The following DNAH9 variants were observed in gnomAD, a reference collection of about 807,000 sequenced individuals.
DNAH9 encodes dynein axonemal heavy chain 9.
DNAH9 carries 345 observed loss-of-function variants against 471.6 expected under a neutral mutation model. The ratio of observed to expected loss-of-function variants is 0.73; its 90% CI spans 0.67 to 0.80. DNAH9 has a LOEUF of 0.80. DNAH9 is among the 30% of genes least tolerant of loss of function. DNAH9 has a pLI of 0.00. For missense variants in DNAH9, 5,407 were observed against 5,609.2 expected (o/e 0.96, Z 1.15); for synonymous variants, 2,093 against 2,123.6 (o/e 0.99, Z 0.40).
chr17:11,619,918 G>A (rs1424813025), intron 6 of DNAH9, 137 bp downstream of exon 6: 2 of 621,400 alleles, frequency 3.2e-6, no homozygotes, highest in East Asian at 5.5e-5. Context: ...CATAATAAAG[G>A]TTCAATTGGC....
chr17:11,826,414 A>C (rs1970493463), intron 48 of DNAH9, among the ~76,000 whole-genome samples: 2 of 23,720 alleles, frequency 8.4e-5, no homozygotes, highest in African/African-American at 3.4e-4. Context: ...AAAAATTACT[A>C]AGATTACTAA....
intron 68 of DNAH9, among the ~76,000 whole-genome samples, chr17:11,968,574 T>G (rs1226794477): frequency 3.9e-5 from 6 of 152,248 alleles, no homozygotes; most frequent in Non-Finnish European, 7.3e-5. Context: ...TTTTCTTTAT[T>G]GCTAGGACTT....
chr17:11,956,252 GA>G (rs1166999733), intron 67 of DNAH9, among the ~76,000 whole-genome samples: 1 of 152,142 alleles, frequency 6.6e-6, no homozygotes, highest in East Asian at 1.9e-4. Flanking sequence ...CATGGATGAA[GA>G]GGAGTATTAT....
chr17:11,855,304 A>G (rs954794769), intron 50 of DNAH9, among the ~76,000 whole-genome samples: 4 of 152,212 alleles, frequency 2.6e-5, no homozygotes, highest in Admixed American at 1.3e-4. Context: ...TTACTTATAT[A>G]GGCAGAAAAC....
intron 41 of DNAH9, among the ~76,000 whole-genome samples, chr17:11,787,149 G>T (rs1968903014): frequency 6.6e-6 from 1 of 152,226 alleles, no homozygotes; most frequent in African/African-American, 2.4e-5. Context: ...AGTAGGCTCA[G>T]ACAGACTCCA....
intron 14 of DNAH9, among the ~76,000 whole-genome samples, chr17:11,661,520 C>T (rs1319105510): frequency 2.6e-5 from 4 of 151,964 alleles, no homozygotes; most frequent in African/African-American, 9.7e-5. Flanking sequence ...CCATTGTCAC[C>T]TGCTTTTTGG....
At chr17:11,713,151 G>A (rs1317873429) in intron 26 of DNAH9, among the ~76,000 whole-genome samples, 1 of 152,058 alleles carries the variant, frequency 6.6e-6, no homozygotes, top group African/African-American at 2.4e-5. Context: ...TGAACATGCG[G>A]TATTTGGTTT....
rs1463094175 is a variant in DNAH9, at chr17:11,742,321, C to A, written c.6111+8C>A. 6.2e-7 allele frequency: 1 copy of A among 1,614,000 alleles called. No homozygotes were observed. The highest frequency in any genetic ancestry group is 8.5e-7 in the Non-Finnish European group (1 of 1,179,904). Reference sequence around the variant, plus strand: ...GAGCTTCTCTCCAAACAGGTAGGATCTCTAGGGAGGCTGTACAACCAAGCA... The same window carrying A: ...GAGCTTCTCTCCAAACAGGTAGGATATCTAGGGAGGCTGTACAACCAAGCA... On this transcript the variant is annotated splice_region_variant and intron_variant, in intron 30 of 68. Transcript: ENST00000262442.
intron 14 of DNAH9, among the ~76,000 whole-genome samples, chr17:11,661,374 TAAC>T (rs1238409823): frequency 6.6e-6 from 1 of 152,152 alleles, no homozygotes; most frequent in African/African-American, 2.4e-5. Context: ...TTTTTAAGTC[TAAC>T]AACTCTGCCT....
At chr17:11,747,849 C>T in intron 32 of DNAH9, 83 bp downstream of exon 32, 2 of 1,234,706 alleles carry the variant, frequency 1.6e-6, no homozygotes, top group Non-Finnish European at 2.3e-6. Flanking sequence ...GGGTGAATTG[C>T]AGAAGCAAAC....
intron 10 of DNAH9, among the ~76,000 whole-genome samples, chr17:11,642,552 CAA>C (rs200095343): frequency 1.9e-4 from 28 of 150,582 alleles, no homozygotes; most frequent in South Asian, 4.2e-4. Context: ...AACTCCATCT[CAA>C]AAAAAAAGTG....
chr17:11,695,292 A>C (rs2074456544), intron 22 of DNAH9, among the ~76,000 whole-genome samples: 1 of 152,172 alleles, frequency 6.6e-6, no homozygotes, highest in Non-Finnish European at 1.5e-5. Flanking sequence ...GAGGATGGCA[A>C]AGGTGGAAGG....
intron 49 of DNAH9, among the ~76,000 whole-genome samples, chr17:11,848,998 G>A (rs1039530531): frequency 1.2e-4 from 18 of 151,952 alleles, no homozygotes; most frequent in African/African-American, 3.9e-4. Context: ...CACCATGCCC[G>A]GCTAACTTTT....
rs1427593321 is a variant in DNAH9, at chr17:11,619,566, C to A, written c.1135C>A (p.Pro379Thr). ...ATACCAGGCCTCTAATTATCTCAGC[C>A]CAGAAGACCTGCTGAGAAGTGAGGT... is the stretch of plus-strand genomic sequence containing the variant. ...LIQQASNYLS[P>T]EDLLRSEVEE... is the part of the protein sequence containing the mutation. The change falls in exon 6 of 69, where the codon CCA becomes ACA. Residue 379 changes from proline to threonine, a missense_variant. Around this residue, in one of 3 missense-constraint regions of DNAH9, gnomAD observed 767 missense variants for 692.5 expected, o/e 1.11. Transcript: ENST00000262442. The A allele has an allele frequency of 2.5e-6, 4 of 1,611,200 alleles. No homozygotes were observed. Among genetic ancestry groups the A allele is most frequent in the Non-Finnish European group, 3.4e-6 (4 of 1,177,364 alleles).
At chr17:11,620,325 C>T (rs1179372314) in intron 6 of DNAH9, among the ~76,000 whole-genome samples, 4 of 151,354 alleles carry the variant, frequency 2.6e-5, no homozygotes, top group African/African-American at 9.7e-5. Flanking sequence ...CCAGTCTGGT[C>T]AACATGGCGA....
intron 45 of DNAH9, 39 bp from the exon 46 acceptor site, chr17:11,821,881 G>C (rs371487856): frequency 3.2e-5 from 51 of 1,587,762 alleles, no homozygotes; most frequent in Non-Finnish European, 4.1e-5. Flanking sequence ...CATTTAACGA[G>C]ATGCCAAGGC....
intron 61 of DNAH9, among the ~76,000 whole-genome samples, chr17:11,921,623 A>G (rs895857010): frequency 6.6e-6 from 1 of 152,184 alleles, no homozygotes; most frequent in Non-Finnish European, 1.5e-5. Context: ...TGAGAGCCTC[A>G]CAGTTGCAAA....
At chr17:11,607,721 C>T (rs991994340) in intron 1 of DNAH9, among the ~76,000 whole-genome samples, 4 of 152,104 alleles carry the variant, frequency 2.6e-5, no homozygotes, top group Non-Finnish European at 5.9e-5. Flanking sequence ...AGGAACCCGC[C>T]ACCACACCCG....
At chr17:11,756,274 CAAAA>C (rs5819339) in intron 33 of DNAH9, among the ~76,000 whole-genome samples, 11 of 135,666 alleles carry the variant, frequency 8.1e-5, no homozygotes, top group African/African-American at 8.3e-5. Context: ...GAGACTCTGT[CAAAA>C]AAAAAAAAAA....
Sources: gnomAD v4.1 joint callset for allele counts (sites outside exome capture counted in the v4.1 genomes callset) on GRCh38, gnomAD v4.1.1 for gene constraint, gnomAD v4.1.1 regional missense constraint, MANE v1.5 for transcripts, NCBI Gene and HGNC (gene_info 2026-07-23, HGNC 2026-07-21) for gene names.